C5: variants seen among roughly 807,000 people sequenced by gnomAD.
C5 encodes C3 and PZP-like alpha-2-macroglobulin domain-containing protein 4.
In C5, 140 loss-of-function variants were observed where a neutral mutation model predicts 218.8. That is an observed-to-expected ratio of 0.64 (90% CI 0.56 to 0.74). The LOEUF is 0.74. C5 is among the 30% of genes least tolerant of loss of function. The pLI, the probability that C5 is intolerant of heterozygous loss-of-function variation, is 0.00. For missense variants in C5, 1,700 were observed against 1,969.6 expected (o/e 0.86, Z 2.59); for synonymous variants, 614 against 682.3 (o/e 0.90, Z 1.56).
chr9:120,960,171 G>T, intron 38 of C5, 77 bp downstream of exon 38: 1 of 917,686 alleles, frequency 1.1e-6, no homozygotes, highest in Non-Finnish European at 1.8e-6. Context: ...ACTATATAAA[G>T]TTTTTGATCT....
rs1197363729 is a variant in C5 at position 121,002,306 on chromosome 9, ATATG to A, written c.2562+3609_2562+3612del. On this transcript the variant is annotated intron_variant, in intron 20 of 40. Coordinates refer to ENST00000223642, the MANE Select transcript of C5 (RefSeq NM_001735.3). ...CGTATATATGTATATATGTATATAT[ATATG>A]TGTGTGTATATATATATATATATAT... Among the ~76,000 whole-genome samples, 23 of 82,308 alleles carry A rather than the reference ATATG, an allele frequency of 2.8e-4. 1 individual carries two copies. Among genetic ancestry groups the A allele is most frequent in the African/African-American group, 9.3e-4 (23 of 24,762 alleles). 54.0% of individuals were successfully genotyped at this position (82,308 alleles called of 152,430 possible).
At chr9:120,967,595 A>C (rs190870165) in intron 33 of C5, among the ~76,000 whole-genome samples, 1 of 152,184 alleles carries the variant, frequency 6.6e-6, no homozygotes, top group East Asian at 1.9e-4. Flanking sequence ...GGACTGAGGG[A>C]CGATGGAAAG....
In C5 at chr9:121,008,465, T is replaced by C. The variant is rs757854630; in HGVS notation, c.2291A>G (p.Glu764Gly). ...GCTTTCTGGAAAATAACTCCGAATTTCTGGCTTGCTTACTGGTAACAGGGT... is the reference window on the plus strand; with the variant it reads ...GCTTTCTGGAAAATAACTCCGAATTCCTGGCTTGCTTACTGGTAACAGGGT... ...MKTLLPVSKP[E>G]IRSYFPESWL... The change falls in exon 18 of 41, where the codon GAA (glutamate) becomes GGA (glycine). Residue 764 changes from glutamate (E) to glycine (G), a missense_variant. Glu to Gly is a moderately conservative substitution (Grantham distance 98). Coordinates refer to ENST00000223642, the MANE Select transcript of C5 (RefSeq NM_001735.3). The C allele has an allele frequency of 1.5e-5, 25 of 1,613,762 alleles. No homozygotes were observed. Among genetic ancestry groups the C allele is most frequent in the Admixed American group, 8.3e-5 (5 of 60,002 alleles).
At chr9:121,041,316 T>TTTTTTC (rs2047578233) in intron 3 of C5, among the ~76,000 whole-genome samples, 1 of 143,282 alleles carries the variant, frequency 7.0e-6, no homozygotes, top group Non-Finnish European at 1.5e-5. Context: ...TTTTTTTTTT[T>TTTTTTC]TTTGCTGAGA....
upstream of C5, among the ~76,000 whole-genome samples, chr9:121,051,676 T>A (rs1203120284): frequency 6.6e-6 from 1 of 152,208 alleles, no homozygotes; most frequent in Non-Finnish European, 1.5e-5. Context: ...ATAAACACTT[T>A]AATGCTGAAT....
At chr9:121,031,792 G>A (rs1371327488) in intron 6 of C5, among the ~76,000 whole-genome samples, 1 of 152,174 alleles carries the variant, frequency 6.6e-6, no homozygotes, top group African/African-American at 2.4e-5. Context: ...TTGGCTGGGT[G>A]CGGTGGCTCA....
intron 16 of C5, among the ~76,000 whole-genome samples, chr9:121,014,645 A>AACTATTATATT (rs1482990142): frequency 1.3e-5 from 2 of 152,200 alleles, no homozygotes; most frequent in African/African-American, 2.4e-5. Context: ...AAATGGAAGA[A>AACTATTATATT]ACTATTATAT....
chr9:121,070,632 T>C, the C5 span, among the ~76,000 whole-genome samples: 1 of 151,866 alleles, frequency 6.6e-6, no homozygotes, highest in African/African-American at 2.4e-5. Context: ...AACAGTAAGT[T>C]AAATGCCACA....
chr9:120,971,805 A>G (rs1451996056), intron 31 of C5, 125 bp downstream of exon 31: 4 of 715,444 alleles, frequency 5.6e-6, no homozygotes, highest in Non-Finnish European at 1.0e-5. Context: ...ACATAAGTGA[A>G]TCCCACTTTA....
the C5 span, among the ~76,000 whole-genome samples, chr9:121,059,258 A>G: frequency 2.6e-5 from 4 of 152,222 alleles, no homozygotes; most frequent in Non-Finnish European, 5.9e-5. The surrounding 1 kb of genome is among the most constrained non-coding windows in gnomAD (Gnocchi z 4.1). Context: ...GTGGAAAATA[A>G]TAAGGCTAAG....
At position 121,043,237 on chromosome 9, in the gene C5, C is replaced by T. The variant is rs568082893; in HGVS notation, c.259-71G>A. Reference sequence around the variant, plus strand: ...TATTAAACCATTAACTTTCTAAATACAACTGTAATCTCATTAGAACAATCA... The same window carrying T: ...TATTAAACCATTAACTTTCTAAATATAACTGTAATCTCATTAGAACAATCA... On this transcript the variant is annotated intron_variant, in intron 2 of 40. Transcript: ENST00000223642. 154 of 1,172,810 alleles carry T rather than the reference C, an allele frequency of 1.3e-4. 3 individuals are homozygous for T. The South Asian group carries it at 1.9e-3, about 15-fold the overall frequency. 72.7% of individuals were successfully genotyped at this position (1,172,810 alleles called of 1,614,324 possible). A position where few individuals can be genotyped will look rare whatever the true frequency, so the allele number is the denominator to read the frequency against.
chr9:121,051,950 T>A (rs1220096809), upstream of C5, among the ~76,000 whole-genome samples: 1 of 152,230 alleles, frequency 6.6e-6, no homozygotes. Context: ...AGGTAATATT[T>A]GTATTTTAAG....
Position 120,952,724 on chromosome 9 carries a change from TG to T in C5, c.*14del, listed in dbSNP as rs2046753413. 6.2e-7 allele frequency: 1 copy of T among 1,611,318 alleles called. No individual in the cohort carries two copies. The highest frequency in any genetic ancestry group is 1.7e-5 in the Admixed American group (1 of 59,970). The stretch of plus-strand genomic sequence containing the variant: ...TCCATAAGTGCAAACTGTATGCAGC[TG>T]AACTTCAGGAATTTTAGCATCCATT... On this transcript the variant is annotated 3_prime_UTR_variant, in exon 41 of 41. Coordinates refer to ENST00000223642, the MANE Select transcript of C5 (RefSeq NM_001735.3).
At chr9:120,964,521 G>C in intron 33 of C5, among the ~76,000 whole-genome samples, 1 of 152,150 alleles carries the variant, frequency 6.6e-6, no homozygotes, top group South Asian at 2.1e-4. Flanking sequence ...ACTTTGGATG[G>C]TGAGATTATA....
intron 39 of C5, among the ~76,000 whole-genome samples, chr9:120,954,349 A>G (rs1157660510): frequency 1.1e-4 from 17 of 152,228 alleles, no homozygotes. Context: ...CTTTGTGGAA[A>G]AGTACAAAAT....
chr9:120,971,255 C>A (rs1300437524), intron 31 of C5, among the ~76,000 whole-genome samples: 1 of 150,960 alleles, frequency 6.6e-6, no homozygotes, highest in Non-Finnish European at 1.5e-5. Flanking sequence ...ACACATAAAT[C>A]CCCCAAAATC....
intron 30 of C5, among the ~76,000 whole-genome samples, chr9:120,973,581 T>C (rs2046930446): frequency 6.6e-6 from 1 of 152,256 alleles, no homozygotes; most frequent in Non-Finnish European, 1.5e-5. Flanking sequence ...AGGTTTTTAT[T>C]TGAAATATCT....
rs879104273 is a variant in C5, at chr9:120,991,352, T to A, written c.2852-72A>T. 8.5e-6 allele frequency: 7 copies of A among 824,904 alleles called. No homozygotes were observed. The South Asian group carries it at 9.9e-5, about 12-fold the overall frequency. 51.1% of individuals were successfully genotyped at this position (824,904 alleles called of 1,614,324 possible). ...CTGTTTGCAGATTATTTATAATGTATCTACTTCCAAAGAATATTTCAAAAT... is the reference window on the plus strand; with the variant it reads ...CTGTTTGCAGATTATTTATAATGTAACTACTTCCAAAGAATATTTCAAAAT... On this transcript the variant is annotated intron_variant, in intron 22 of 40. Coordinates refer to ENST00000223642, the MANE Select transcript of C5 (RefSeq NM_001735.3).
intron 2 of C5, among the ~76,000 whole-genome samples, chr9:121,045,942 T>C (rs7040603): frequency 0.74 from 112,946 of 152,040 alleles, 42,438 homozygotes; most frequent in East Asian, 0.96. Flanking sequence ...ATTAGTACAA[T>C]TTTATTTTCC....
Sources: allele counts gnomAD v4.1 joint callset (sites outside exome capture counted in the v4.1 genomes callset), GRCh38; gene constraint gnomAD v4.1.1; non-coding constraint Gnocchi (gnomAD v3.1); transcripts MANE v1.5; gene names NCBI Gene and HGNC (gene_info 2026-07-23, HGNC 2026-07-21).